Variants in PODXL2 observed in about 807,000 individuals in gnomAD.
The protein encoded by PODXL2 is podocalyxin like 2, also known as podocalyxin-like protein 2.
Under a neutral mutation model 53.4 loss-of-function variants are expected in PODXL2, and 17 were observed. The observed-to-expected ratio is 0.32, with a 90% CI of 0.22 to 0.48. The LOEUF (loss-of-function observed/expected upper bound fraction) is 0.48. Ranked by LOEUF, PODXL2 falls within the 20% of genes least tolerant of loss-of-function variation. PODXL2 has a pLI of 0.99. For synonymous variants in PODXL2, 311 were observed against 306.7 expected (o/e 1.01, Z -0.15); for missense variants, 673 against 760.0 (o/e 0.89, Z 1.35).
intron 1 of PODXL2, among the ~76,000 whole-genome samples, chr3:127,634,915 C>G (rs907572997): frequency 3.9e-5 from 6 of 152,082 alleles, no homozygotes; most frequent in African/African-American, 1.4e-4. Context: ...GGGGGAATTG[C>G]TAGGGGTTCG....
At chr3:127,634,923 T>C (rs1177809785) in intron 1 of PODXL2, among the ~76,000 whole-genome samples, 1 of 152,142 alleles carries the variant, frequency 6.6e-6, no homozygotes, top group Non-Finnish European at 1.5e-5. Flanking sequence ...TGCTAGGGGT[T>C]CGTAAAAGAG....
In PODXL2 at chr3:127,668,458, C is replaced by G. The variant is rs769251881; in HGVS notation, c.1224C>G (p.His408Gln). 2.6e-6 allele frequency: 4 copies of G among 1,548,808 alleles called. No individual in the cohort carries two copies. Among genetic ancestry groups the G allele is most frequent in the African/African-American group, 1.4e-5 (1 of 73,094 alleles). The stretch of plus-strand genomic sequence containing the variant: ...CCTTGTAGGAGGTGTTCCGGCAGCA[C>G]CGGGGGCCACAGCTCCTGGCCCTGG... ...ENIDCEVFRQ[H>Q]RGPQLLALVE... Residue 408 changes from histidine (H) to glutamine (Q), a missense_variant, in exon 5 of 8, where the codon CAC (histidine) becomes CAG (glutamine). By Grantham distance (24) the His-to-Gln change is conservative. Coordinates refer to ENST00000342480, the MANE Select transcript of PODXL2 (RefSeq NM_015720.4).
At chr3:127,648,485 T>G (rs1268361816) in intron 2 of PODXL2, among the ~76,000 whole-genome samples, 2 of 152,234 alleles carry the variant, frequency 1.3e-5, no homozygotes, top group Admixed American at 1.3e-4. Context: ...AAAAGCCTTG[T>G]CATTCTTGTT....
chr3:127,630,906 G>A (rs918083122), intron 1 of PODXL2, among the ~76,000 whole-genome samples: 1 of 152,194 alleles, frequency 6.6e-6, no homozygotes, highest in Non-Finnish European at 1.5e-5. Context: ...AACCAGAACT[G>A]GCCAGCAACG....
At position 127,672,450 on chromosome 3, in the gene PODXL2, G is replaced by C. The variant is rs148494507; in HGVS notation, c.1788G>C (p.Ser596=). The part of the protein sequence containing the change: ...LMGGKRDPED[S]DVFEEDTHL ...GGGGCAAGCGGGACCCCGAGGACTC[G>C]GACGTGTTCGAGGAGGACACGCACC... Residue 596 remains serine, a synonymous_variant, in exon 8 of 8, where the codon TCG becomes TCC. Coordinates refer to ENST00000342480, the MANE Select transcript of PODXL2 (RefSeq NM_015720.4). 752 of 1,535,242 alleles carry C rather than the reference G, an allele frequency of 4.9e-4. 2 individuals carry two copies. The African/African-American group carries it at 9.7e-3, about 20-fold the overall frequency.
intron 2 of PODXL2, among the ~76,000 whole-genome samples, chr3:127,651,262 C>G (rs2074687335): frequency 6.6e-6 from 1 of 152,156 alleles, no homozygotes; most frequent in Non-Finnish European, 1.5e-5. Context: ...GACTCCATCT[C>G]AAAACAAACA....
chr3:127,638,775 C>A (rs141674831), intron 1 of PODXL2, among the ~76,000 whole-genome samples: 25 of 152,230 alleles, frequency 1.6e-4, no homozygotes, highest in African/African-American at 4.1e-4. Context: ...TGCTGAAATA[C>A]AAATGATATT....
At chr3:127,632,608 A>G (rs535877165) in intron 1 of PODXL2, among the ~76,000 whole-genome samples, 12 of 152,340 alleles carry the variant, frequency 7.9e-5, no homozygotes, top group Admixed American at 2.0e-4. Flanking sequence ...CCTGGAATGC[A>G]TGAATGAGTT....
At chr3:127,657,490 A>G (rs2074732630) in intron 2 of PODXL2, among the ~76,000 whole-genome samples, 1 of 152,192 alleles carries the variant, frequency 6.6e-6, no homozygotes, top group Admixed American at 6.5e-5. Flanking sequence ...TAGCTCACGC[A>G]TCTGATTACT....
At chr3:127,658,138 A>T (rs902443876) in intron 2 of PODXL2, among the ~76,000 whole-genome samples, 1 of 152,210 alleles carries the variant, frequency 6.6e-6, no homozygotes, top group Non-Finnish European at 1.5e-5. Context: ...TGCTACTCAA[A>T]AAGTCTAATT....
intron 2 of PODXL2, among the ~76,000 whole-genome samples, chr3:127,647,676 G>A (rs879538230): frequency 4.6e-5 from 7 of 152,210 alleles, no homozygotes; most frequent in Non-Finnish European, 8.8e-5. Flanking sequence ...TTCCCTTGCT[G>A]GCTTCGTTCT....
chr3:127,672,422 TG>T lies in PODXL2; in HGVS notation c.1766del (p.Gly589AlafsTer97). 7 of 1,541,670 alleles carry T rather than the reference TG, an allele frequency of 4.5e-6. No individual in the cohort carries two copies. On this transcript the variant is annotated frameshift_variant, in exon 8 of 8. Coordinates refer to ENST00000342480, the MANE Select transcript of PODXL2 (RefSeq NM_015720.4). LOFTEE classifies it high-confidence loss of function. ...LNGPGSWGALMGGKRDPEDSD... is the reference protein window; with the variant it reads ...LNGPGSWGALXGGKRDPEDSD... ...GGCCCGGGGAGCTGGGGGGCGCTCA[TG>T]GGGGGCAAGCGGGACCCCGAGGACT...
intron 4 of PODXL2, among the ~76,000 whole-genome samples, chr3:127,666,306 G>A (rs1425124225): frequency 6.6e-6 from 1 of 151,442 alleles, no homozygotes; most frequent in Non-Finnish European, 1.5e-5. Flanking sequence ...AAGGTAGGGT[G>A]TCAGGACCAT....
chr3:127,669,476 G>T (rs1328638175), intron 6 of PODXL2, among the ~76,000 whole-genome samples: 2 of 152,152 alleles, frequency 1.3e-5, no homozygotes, highest in Non-Finnish European at 2.9e-5. Context: ...GAGGCTGACA[G>T]TCAGGAGAGG....
At chr3:127,651,718 G>A (rs1325489230) in intron 2 of PODXL2, among the ~76,000 whole-genome samples, 1 of 152,266 alleles carries the variant, frequency 6.6e-6, no homozygotes, top group African/African-American at 2.4e-5. Context: ...GAGCTGGGCT[G>A]TGTGGATGCT....
At chr3:127,630,383 C>G (rs1029487520) in intron 1 of PODXL2, among the ~76,000 whole-genome samples, 1 of 152,214 alleles carries the variant, frequency 6.6e-6, no homozygotes, top group Non-Finnish European at 1.5e-5. Context: ...TTCTGATGCA[C>G]ACGTCAAAAT....
chr3:127,633,442 T>C (rs1425485746), intron 1 of PODXL2, among the ~76,000 whole-genome samples: 1 of 150,952 alleles, frequency 6.6e-6, no homozygotes, highest in East Asian at 2.0e-4. Context: ...GTTATTTCAT[T>C]TGTAAAACAA....
At chr3:127,647,020 A>G (rs1462769579) in intron 2 of PODXL2, among the ~76,000 whole-genome samples, 2 of 152,088 alleles carry the variant, frequency 1.3e-5, no homozygotes, top group African/African-American at 2.4e-5. Flanking sequence ...TCCATCTGTA[A>G]TGATGGTCCC....
chr3:127,642,132 A>G (rs898907771), intron 2 of PODXL2, among the ~76,000 whole-genome samples: 15 of 151,890 alleles, frequency 9.9e-5, no homozygotes, highest in African/African-American at 2.4e-5. Context: ...TCTACTAAAA[A>G]TACAAAAATT....
Sources: gnomAD v4.1 joint callset for allele counts (sites outside exome capture counted in the v4.1 genomes callset) on GRCh38, gnomAD v4.1.1 for gene constraint, MANE v1.5 for transcripts, NCBI Gene and HGNC (gene_info 2026-07-23, HGNC 2026-07-21) for gene names.